RGPD1: variants seen among roughly 807,000 people sequenced by gnomAD.
RGPD1 encodes RANBP2-like and GRIP domain-containing protein 1.
A neutral mutation model predicts 40.6 loss-of-function variants in RGPD1; 7 were observed. That is an observed-to-expected ratio of 0.17 (90% CI 0.10 to 0.32). RGPD1 has a LOEUF of 0.32. RGPD1 is among the 10% of genes least tolerant of loss of function. RGPD1 has a pLI of 1.00. For missense variants in RGPD1, 50 were observed against 472.5 expected (o/e 0.11, Z 8.29); for synonymous variants, 24 against 167.0 (o/e 0.14, Z 6.60).
Position 86,942,247 on chromosome 2 carries a change from G to A in RGPD1, c.11G>A (p.Ser4Asn), listed in dbSNP as rs977739792. 7.6e-5 allele frequency: 122 copies of A among 1,606,260 alleles called. 1 individual carries two copies. The highest frequency in any genetic ancestry group is 8.7e-5 in the Non-Finnish European group (102 of 1,177,458). ...CAGGTTGGCGGTGCGATGAGGCGCA[G>A]CAAGGCCTACGGGGAGCGGTACGTC... is the stretch of plus-strand genomic sequence containing the variant. MRR[S>N]KAYGERYVAS... is the part of the protein sequence containing the mutation. The change falls in exon 1 of 23, where the codon AGC becomes AAC. Residue 4 changes from serine (S) to asparagine (N), a missense_variant. By Grantham distance (46) the Ser-to-Asn change is conservative. Coordinates refer to ENST00000641458, the MANE Select transcript of RGPD1 (RefSeq NM_001382344.1).
intron 8 of RGPD1, among the ~76,000 whole-genome samples, chr2:86,971,013 C>T: frequency 2.9e-5 from 1 of 34,126 alleles, no homozygotes; most frequent in Non-Finnish European, 4.7e-5. Context: ...ATAAAAATCT[C>T]TGGGAACAAG....
chr2:86,956,086 C>T (rs886410148), intron 4 of RGPD1, among the ~76,000 whole-genome samples: 1 of 142,554 alleles, frequency 7.0e-6, no homozygotes, highest in African/African-American at 2.6e-5. Context: ...TTCCATTTCT[C>T]CTAAAATTTA....
At chr2:86,936,169 C>T (rs1679345270) in intron 1 of RGPD1, among the ~76,000 whole-genome samples, 1 of 130,112 alleles carries the variant, frequency 7.7e-6, no homozygotes, top group South Asian at 2.8e-4. Flanking sequence ...CCATGCCCAG[C>T]TAATTTTTTT....
At chr2:86,933,118 T>C (rs1187345251) in intron 1 of RGPD1, among the ~76,000 whole-genome samples, 1 of 148,830 alleles carries the variant, frequency 6.7e-6, no homozygotes, top group African/African-American at 2.5e-5. Flanking sequence ...TACGTGTATG[T>C]ATATAAATAT....
chr2:86,914,148 G>A (rs1558778881), intron 1 of RGPD1, among the ~76,000 whole-genome samples: 24 of 91,336 alleles, frequency 2.6e-4, no homozygotes, highest in Non-Finnish European at 3.6e-4. Context: ...GGCGGCGGCG[G>A]CGGCGGCGGC....
chr2:86,939,603 AAAG>A (rs1462974608), upstream of RGPD1, among the ~76,000 whole-genome samples: 32 of 139,776 alleles, frequency 2.3e-4, 2 homozygotes, highest in East Asian at 6.5e-3. Flanking sequence ...AGAAAGAAAG[AAAG>A]AAAAGAAGGT....
intron 1 of RGPD1, among the ~76,000 whole-genome samples, chr2:86,914,265 TC>T (rs1677628253): frequency 2.0e-4 from 2 of 10,248 alleles, no homozygotes; most frequent in Non-Finnish European, 4.7e-4. Flanking sequence ...GGCCTCGGCC[TC>T]GGCCTTGGCC....
At chr2:86,915,186 C>T (rs1180132548) in intron 1 of RGPD1, among the ~76,000 whole-genome samples, 2 of 150,256 alleles carry the variant, frequency 1.3e-5, no homozygotes, top group Non-Finnish European at 3.0e-5. Flanking sequence ...ATCTCAGCTA[C>T]TTGGGAGTCT....
In RGPD1 at chr2:86,962,632, T is replaced by C. The variant is rs1368027230; in HGVS notation, c.780-397T>C. Among the ~76,000 whole-genome samples the C allele has an allele frequency of 3.2e-5, 4 of 126,378 alleles. No individual in the cohort carries two copies. In the East Asian group the frequency reaches 8.2e-4, roughly 26 times the overall value. The allele number at this position is 126,378 out of a possible 152,430, so 82.9% of individuals were successfully genotyped here. On this transcript the variant is annotated intron_variant, in intron 6 of 22. Coordinates refer to ENST00000641458, the MANE Select transcript of RGPD1 (RefSeq NM_001382344.1). Reference sequence around the variant, plus strand: ...CAGTTATTTACTTATAATTTGGAAATGGTATGTCTAATTTGAGAAATTACA... The same window carrying C: ...CAGTTATTTACTTATAATTTGGAAACGGTATGTCTAATTTGAGAAATTACA...
intron 1 of RGPD1, among the ~76,000 whole-genome samples, chr2:86,933,396 T>TTA (rs1457988747): frequency 6.6e-6 from 1 of 150,634 alleles, no homozygotes; most frequent in Admixed American, 6.6e-5. Context: ...TTAGTATAAA[T>TTA]AATACTGGTA....
At position 86,960,145 on chromosome 2, in the gene RGPD1, G is replaced by A. The variant is rs1335500338; in HGVS notation, c.779+1718G>A. ...GATGGAGTCACTCAGGGGAGAATCC[G>A]GACCATGAGGGGGTGACTGGGGGCC... On this transcript the variant is annotated intron_variant, in intron 6 of 22. Transcript: ENST00000641458. Among the ~76,000 whole-genome samples the A allele has an allele frequency of 6.8e-5, 7 of 102,766 alleles. 3 individuals are homozygous for A. The highest frequency in any genetic ancestry group is 1.8e-4 in the Admixed American group (2 of 11,208). 67.4% of individuals were successfully genotyped at this position (102,766 alleles called of 152,430 possible).
chr2:86,939,591 A>G (rs562968712), upstream of RGPD1, among the ~76,000 whole-genome samples: 29 of 115,860 alleles, frequency 2.5e-4, 1 homozygote, highest in African/African-American at 9.8e-4. Context: ...AAAAAAAAAA[A>G]AAGAAAGAAA....
At chr2:86,939,534 G>A (rs1679579104), upstream of RGPD1, among the ~76,000 whole-genome samples, 1 of 142,794 alleles carries the variant, frequency 7.0e-6, no homozygotes, top group Non-Finnish European at 1.5e-5. Context: ...AGCCGAGATT[G>A]CGCCACTGGA....
chr2:86,942,532 C>CCTGGCCGGGCGGCGGCGGCGGCCTCGAT (rs1237859477), intron 1 of RGPD1, among the ~76,000 whole-genome samples: 1 of 129,252 alleles, frequency 7.7e-6, no homozygotes, highest in African/African-American at 2.8e-5. Context: ...GCGGCCTCGA[C>CCTGGCCGGGCGGCGGCGGCGGCCTCGAT]CTGGCCGGGC....
rs1573605934 is a variant in RGPD1 at position 86,942,288 on chromosome 2, T to C, written c.52T>C (p.Ser18Pro). 1 of 1,601,828 alleles carries C rather than the reference T, an allele frequency of 6.2e-7. No individual in the cohort carries two copies. The change falls in exon 1 of 23, where the codon TCC becomes CCC. Residue 18 changes from serine to proline, a missense_variant. Ser to Pro is a moderately conservative substitution (Grantham distance 74, BLOSUM62 -1). Coordinates refer to ENST00000641458, the MANE Select transcript of RGPD1 (RefSeq NM_001382344.1). ...GCGGTACGTCGCCTCGGTGCAGGGCTCCGCCCCGTCGCCTGGAAAGGTGAG... is the reference window on the plus strand; with the variant it reads ...GCGGTACGTCGCCTCGGTGCAGGGCCCCGCCCCGTCGCCTGGAAAGGTGAG... The part of the protein sequence containing the change: ...GERYVASVQG[S>P]APSPGKKLRG...
chr2:86,914,418 GGGC>G (rs1175704937), intron 1 of RGPD1, among the ~76,000 whole-genome samples: 4 of 9,836 alleles, frequency 4.1e-4, no homozygotes, highest in Admixed American at 1.4e-3. Context: ...CGACCTGGCC[GGGC>G]GGCGGCGGCG....
At chr2:87,000,486 G>A (rs918997355) in intron 22 of RGPD1, among the ~76,000 whole-genome samples, 1 of 93,302 alleles carries the variant, frequency 1.1e-5, no homozygotes, top group African/African-American at 6.0e-5. Flanking sequence ...TCTAAGATGT[G>A]CATTTGGTAA....
At chr2:87,007,423 G>A (rs1213467051) in intron 22 of RGPD1, among the ~76,000 whole-genome samples, 2 of 152,256 alleles carry the variant, frequency 1.3e-5, no homozygotes, top group African/African-American at 4.8e-5. Context: ...TGTTTCCCAG[G>A]CTGGAGTGCA....
chr2:86,925,696 GAATGAGATTCTA>G (rs1678436666), intron 1 of RGPD1, among the ~76,000 whole-genome samples: 1 of 151,918 alleles, frequency 6.6e-6, no homozygotes, highest in African/African-American at 2.4e-5. Context: ...CTGTTTATGA[GAATGAGATTCTA>G]AATGTAAATG....
Sources: gnomAD v4.1 joint callset for allele counts (sites outside exome capture counted in the v4.1 genomes callset) on GRCh38, gnomAD v4.1.1 for gene constraint, MANE v1.5 for transcripts, NCBI Gene and HGNC (gene_info 2026-07-23, HGNC 2026-07-21) for gene names.